PLCL1: variants seen among roughly 807,000 people sequenced by gnomAD.
PLCL1 encodes inactive phospholipase C-like protein 1.
Under a neutral mutation model 84.4 loss-of-function variants are expected in PLCL1, and 41 were observed. The ratio of observed to expected loss-of-function variants is 0.49; its 90% confidence interval spans 0.38 to 0.63. The LOEUF (loss-of-function observed/expected upper bound fraction) is 0.63, where lower values mean the gene tolerates loss of function less well. Ranked by LOEUF, PLCL1 falls within the 30% of genes least tolerant of loss-of-function variation. The pLI is 0.00. For missense variants in PLCL1, 1,206 were observed against 1,367.8 expected (o/e 0.88, Z 1.87); for synonymous variants, 490 against 488.3 (o/e 1.00, Z -0.05).
chr2:197,896,057 A>G (rs2105730956), intron 1 of PLCL1, among the ~76,000 whole-genome samples: 1 of 152,128 alleles, frequency 6.6e-6, no homozygotes, highest in Middle Eastern at 3.4e-3. Context: ...TTTGAGAGAC[A>G]GAAGAAAGCA....
chr2:197,880,686 G>A (rs1001653479), intron 1 of PLCL1, among the ~76,000 whole-genome samples: 1 of 152,070 alleles, frequency 6.6e-6, no homozygotes, highest in African/African-American at 2.4e-5. Context: ...GGAGAAAAGT[G>A]GAATATTTAT....
chr2:197,865,387 A>G (rs562388634), intron 1 of PLCL1, among the ~76,000 whole-genome samples: 2 of 152,262 alleles, frequency 1.3e-5, no homozygotes, highest in Admixed American at 1.3e-4. Context: ...GTTTTTCAAA[A>G]ATTGGAAAGT....
rs1405665441 is a variant in PLCL1 at position 198,149,766 on chromosome 2, T to C, written c.*2804T>C. On this transcript the variant is annotated 3_prime_UTR_variant, in exon 6 of 6. Coordinates refer to ENST00000428675, the MANE Select transcript of PLCL1 (RefSeq NM_006226.4). ...TAAATATGCTTGTATTTTAACAAAATTGAGATATTATATAAACTGTTTGTA... is the reference window on the plus strand; with the variant it reads ...TAAATATGCTTGTATTTTAACAAAACTGAGATATTATATAAACTGTTTGTA... 1 of 152,148 alleles carries C rather than the reference T, an allele frequency of 6.6e-6. No homozygotes were observed. The highest frequency in any genetic ancestry group is 1.5e-5 in the Non-Finnish European group (1 of 68,006). The allele number at this position is 152,148 out of a possible 1,614,324, so 9.4% of individuals were successfully genotyped here.
chr2:197,811,463 CTAGCAT>C (rs758990938), intron 1 of PLCL1, among the ~76,000 whole-genome samples: 22 of 152,146 alleles, frequency 1.4e-4, no homozygotes, highest in Non-Finnish European at 1.5e-4. Flanking sequence ...AATAATCAAT[CTAGCAT>C]TACTTTGAGA....
chr2:197,843,021 TA>T (rs1559022152), intron 1 of PLCL1, among the ~76,000 whole-genome samples: 1 of 152,224 alleles, frequency 6.6e-6, no homozygotes, highest in Non-Finnish European at 1.5e-5. Flanking sequence ...GTTACTCCTT[TA>T]TAGCCTCTCC....
intron 1 of PLCL1, among the ~76,000 whole-genome samples, chr2:197,993,849 T>G (rs1390767469): frequency 1.3e-5 from 2 of 152,180 alleles, no homozygotes; most frequent in Non-Finnish European, 2.9e-5. Context: ...TAGAGCAGGA[T>G]AGTAACAGGT....
At chr2:197,854,996 G>GTCAGT (rs1687303886) in intron 1 of PLCL1, among the ~76,000 whole-genome samples, 2 of 152,312 alleles carry the variant, frequency 1.3e-5, no homozygotes, top group Middle Eastern at 3.4e-3. Context: ...AACTGAAATG[G>GTCAGT]TCAGTCACTA....
intron 1 of PLCL1, among the ~76,000 whole-genome samples, chr2:198,018,178 T>C (rs988378218): frequency 9.9e-5 from 15 of 152,138 alleles, no homozygotes; most frequent in Non-Finnish European, 4.4e-5. Flanking sequence ...GACCCTGCCA[T>C]GAGGGACAGT....
At chr2:197,821,772 G>A (rs78172693) in intron 1 of PLCL1, among the ~76,000 whole-genome samples, 1,767 of 152,254 alleles carry the variant, frequency 0.012, 42 homozygotes, top group African/African-American at 0.04. Flanking sequence ...TATCAGGATG[G>A]CCATGTGCTT....
chr2:198,102,703 C>T (rs1242480317), intron 4 of PLCL1, among the ~76,000 whole-genome samples: 1 of 152,060 alleles, frequency 6.6e-6, no homozygotes, highest in Non-Finnish European at 1.5e-5. Flanking sequence ...TGAGAGAAGA[C>T]TTGAAGGGAT....
intron 1 of PLCL1, among the ~76,000 whole-genome samples, chr2:197,937,271 C>T (rs1689072036): frequency 6.6e-6 from 1 of 152,060 alleles, no homozygotes; most frequent in Non-Finnish European, 1.5e-5. Flanking sequence ...CCTGTAATAT[C>T]CTTTATGAAT....
At chr2:197,903,176 T>A (rs1688300820) in intron 1 of PLCL1, among the ~76,000 whole-genome samples, 1 of 152,174 alleles carries the variant, frequency 6.6e-6, no homozygotes, top group Non-Finnish European at 1.5e-5. Flanking sequence ...TTCTTAAGGA[T>A]CATATAATAA....
At chr2:197,926,491 A>C (rs1391326348) in intron 1 of PLCL1, among the ~76,000 whole-genome samples, 1 of 152,120 alleles carries the variant, frequency 6.6e-6, no homozygotes, top group Non-Finnish European at 1.5e-5. Context: ...TTTTGTTATG[A>C]GCTTTCAAAC....
intron 1 of PLCL1, among the ~76,000 whole-genome samples, chr2:197,866,781 C>G (rs1687556649): frequency 6.6e-6 from 1 of 152,164 alleles, no homozygotes; most frequent in Non-Finnish European, 1.5e-5. Context: ...TTCTTTGTCT[C>G]TCTTCCCCAC....
intron 5 of PLCL1, among the ~76,000 whole-genome samples, chr2:198,119,854 A>G (rs773644183): frequency 1.3e-5 from 2 of 151,986 alleles, no homozygotes; most frequent in Non-Finnish European, 2.9e-5. Context: ...GCAGAGGATT[A>G]CAGAAGCTCT....
intron 1 of PLCL1, among the ~76,000 whole-genome samples, chr2:197,874,552 A>G (rs1307113483): frequency 1.3e-5 from 2 of 152,160 alleles, no homozygotes; most frequent in Non-Finnish European, 2.9e-5. Context: ...AAGAAGCCCA[A>G]GTCCTCCAAA....
Position 197,805,871 on chromosome 2 carries a change from G to T in PLCL1, c.240+532G>T, listed in dbSNP as rs754496916. On this transcript the variant is annotated intron_variant, in intron 1 of 5. Transcript: ENST00000428675. The surrounding 1 kb of genome is among the most constrained non-coding windows in gnomAD (Gnocchi z 4.0). ...CATCACAGTAAAGAGCAATGCAAGA[G>T]CCCAGAGTTTTTGCGCTGCAGAAAG... is the stretch of plus-strand genomic sequence containing the variant. 6.6e-6 allele frequency among the ~76,000 whole-genome samples: 1 copy of T among 152,196 alleles called. No homozygotes were observed. Among genetic ancestry groups the T allele is most frequent in the Non-Finnish European group, 1.5e-5 (1 of 68,036 alleles).
Position 197,805,204 on chromosome 2 carries a change from G to T in PLCL1, c.105G>T (p.Thr35=). ...VGPDAAGDCV[T]AASGGRMRDR... ...CGGATGCCGCCGGGGACTGCGTGAC[G>T]GCGGCCTCTGGGGGCCGGATGAGGG... Residue 35 remains threonine (T), a synonymous_variant, in exon 1 of 6, where the codon ACG becomes ACT. Coordinates refer to ENST00000428675, the MANE Select transcript of PLCL1 (RefSeq NM_006226.4). The surrounding 1 kb of genome is among the most constrained non-coding windows in gnomAD (Gnocchi z 4.0). 2.4e-6 allele frequency: 3 copies of T among 1,275,804 alleles called. No individual in the cohort carries two copies. Among genetic ancestry groups the T allele is most frequent in the South Asian group, 2.7e-5 (1 of 36,952 alleles). The allele number at this position is 1,275,804 out of a possible 1,614,324, so 79.0% of individuals were successfully genotyped here. A position where few individuals can be genotyped will look rare whatever the true frequency, so the allele number is the denominator to read the frequency against.
intron 1 of PLCL1, among the ~76,000 whole-genome samples, chr2:197,924,312 C>CT (rs1393461122): frequency 6.6e-6 from 1 of 152,174 alleles, no homozygotes; most frequent in Non-Finnish European, 1.5e-5. Context: ...CCTGAGCAGG[C>CT]TCTGATTGAT....
Sources: gnomAD v4.1 joint callset for allele counts (sites outside exome capture counted in the v4.1 genomes callset) on GRCh38, gnomAD v4.1.1 for gene constraint, Gnocchi (gnomAD v3.1) non-coding constraint, MANE v1.5 for transcripts, NCBI Gene and HGNC (gene_info 2026-07-23, HGNC 2026-07-21) for gene names.